ANKMY1: variants seen among roughly 807,000 people sequenced by gnomAD.
ANKMY1 encodes ankyrin repeat and MYND domain-containing protein 1.
Under a neutral mutation model 102.0 loss-of-function variants are expected in ANKMY1, and 98 were observed. The ratio of observed to expected loss-of-function variants is 0.96; its 90% CI spans 0.82 to 1.14. The LOEUF is 1.14. Ranked by LOEUF, ANKMY1 falls within the 50% of genes most tolerant of loss-of-function variation. ANKMY1 has a pLI of 0.00. For missense variants in ANKMY1, 1,330 were observed against 1,347.6 expected (o/e 0.99, Z 0.20); for synonymous variants, 582 against 559.9 (o/e 1.04, Z -0.56).
At chr2:240,508,703 T>C (rs753185219) in intron 12 of ANKMY1, among the ~76,000 whole-genome samples, 3 of 152,228 alleles carry the variant, frequency 2.0e-5, no homozygotes, top group Non-Finnish European at 4.4e-5. Flanking sequence ...GTGCCTAGAA[T>C]GGTGCCTGCC....
intron 9 of ANKMY1, among the ~76,000 whole-genome samples, chr2:240,516,071 G>A (rs930153524): frequency 1.3e-5 from 2 of 151,578 alleles, no homozygotes; most frequent in African/African-American, 4.8e-5. Flanking sequence ...GACAGATTCA[G>A]TTGGCCTCAT....
At chr2:240,550,244 T>C (rs570696779) in intron 4 of ANKMY1, among the ~76,000 whole-genome samples, 1 of 151,956 alleles carries the variant, frequency 6.6e-6, no homozygotes, top group Admixed American at 6.6e-5. Flanking sequence ...ATCATCATTC[T>C]CGGTAAACTA....
chr2:240,504,605 C>G (rs976185919), intron 13 of ANKMY1, among the ~76,000 whole-genome samples: 2 of 151,938 alleles, frequency 1.3e-5, no homozygotes, highest in African/African-American at 2.4e-5. Context: ...CAAAAATTGC[C>G]AAAGGAGTTG....
chr2:240,500,634 C>T (rs1349254523), intron 13 of ANKMY1, 69 bp from the exon 14 acceptor site: 3 of 1,385,340 alleles, frequency 2.2e-6, no homozygotes, highest in Non-Finnish European at 2.0e-6. Context: ...GAAGCACCGC[C>T]TGAGAAGGGC....
chr2:240,532,127 A>G (rs1279642376), intron 4 of ANKMY1: 2 of 468,900 alleles, frequency 4.3e-6, no homozygotes, highest in Non-Finnish European at 8.8e-6. Flanking sequence ...TGGAAACATC[A>G]CATTGAAACT....
intron 8 of ANKMY1, among the ~76,000 whole-genome samples, chr2:240,521,308 C>G (rs900392116): frequency 3.9e-5 from 6 of 151,936 alleles, no homozygotes; most frequent in African/African-American, 1.5e-4. Context: ...CCAGACCCGT[C>G]TCCAGACCCT....
At chr2:240,512,511 G>A (rs1394282039) in intron 10 of ANKMY1, among the ~76,000 whole-genome samples, 2 of 152,162 alleles carry the variant, frequency 1.3e-5, no homozygotes, top group Non-Finnish European at 2.9e-5. Context: ...GGCGTGAGAT[G>A]GAGTTACCTG....
chr2:240,479,137 A>G (rs6437346), downstream of ANKMY1, among the ~76,000 whole-genome samples: 121,396 of 152,210 alleles, frequency 0.8, 48,594 homozygotes, highest in East Asian at 0.99. Flanking sequence ...GAGCACCGCA[A>G]ACCCCAGTAG....
rs1019131807 is a variant in ANKMY1 at position 240,557,458 on chromosome 2, C to G, written c.-17-106G>C. 3.0e-6 allele frequency: 4 copies of G among 1,336,870 alleles called. No homozygotes were observed. In the African/African-American group the frequency reaches 4.5e-5, roughly 15 times the overall value. The allele number at this position is 1,336,870 out of a possible 1,614,324, so 82.8% of individuals were successfully genotyped here. On this transcript the variant is annotated intron_variant, in intron 1 of 17. Transcript: ENST00000401804. ...GCCCCTGAGCCTCAGAGAACCCAAG[C>G]CCCTCCCTGAACCGCGCCGGAGCCT... is the stretch of plus-strand genomic sequence containing the variant.
chr2:240,511,115 CCCCCACCT>C (rs1355257373), intron 11 of ANKMY1, among the ~76,000 whole-genome samples: 1 of 152,086 alleles, frequency 6.6e-6, no homozygotes, highest in Non-Finnish European at 1.5e-5. Flanking sequence ...CCTGTCAGTG[CCCCCACCT>C]CCCCACCTCC....
chr2:240,502,879 C>T (rs2078445294), intron 13 of ANKMY1, among the ~76,000 whole-genome samples: 1 of 152,114 alleles, frequency 6.6e-6, no homozygotes, highest in South Asian at 2.1e-4. Context: ...CCCTACACCC[C>T]CAGGCCCCCT....
chr2:240,496,369 TAG>T (rs2077260382), intron 15 of ANKMY1, among the ~76,000 whole-genome samples: 1 of 121,304 alleles, frequency 8.2e-6, no homozygotes, highest in Non-Finnish European at 1.8e-5. Context: ...GATAGATAGA[TAG>T]ATAGATAGAT....
rs1190572489 is a variant in ANKMY1, at chr2:240,529,693, CCGAGGAACAG to C, written c.481-194_481-185del. 6.6e-6 allele frequency among the ~76,000 whole-genome samples: 1 copy of C among 152,184 alleles called. No individual in the cohort carries two copies. The highest frequency in any genetic ancestry group is 1.5e-5 in the Non-Finnish European group (1 of 68,036). ...CAGGGACCGAGGCGGACCAGCTCTC[CCGAGGAACAG>C]GAAGGAGGGCACTCCAGAGAGTGCA... On this transcript the variant is annotated intron_variant, in intron 4 of 17. Coordinates refer to ENST00000401804, the MANE Select transcript of ANKMY1 (RefSeq NM_001282771.3). This position sits in a 1 kb window ranked among gnomAD's most constrained non-coding sequence, Gnocchi z 4.2.
At chr2:240,472,777 G>A in the ANKMY1 span, among the ~76,000 whole-genome samples, 1 of 152,158 alleles carries the variant, frequency 6.6e-6, no homozygotes, top group African/African-American at 2.4e-5. Flanking sequence ...GGTGTTTGCT[G>A]CTTCAAATTG....
chr2:240,486,408 CAAAG>C (rs1484435516), intron 15 of ANKMY1, among the ~76,000 whole-genome samples: 2 of 152,126 alleles, frequency 1.3e-5, no homozygotes, highest in Admixed American at 6.5e-5. Context: ...AGTCAATTAA[CAAAG>C]AAGAAATATG....
chr2:240,534,613 C>A (rs942525225), intron 4 of ANKMY1, among the ~76,000 whole-genome samples: 13 of 152,016 alleles, frequency 8.6e-5, no homozygotes, highest in African/African-American at 3.1e-4. Context: ...AAGATGATCA[C>A]TTCATCATAA....
At chr2:240,560,431 G>T, upstream of ANKMY1, 1 of 396,862 alleles carries the variant, frequency 2.5e-6, no homozygotes, top group African/African-American at 2.1e-5. Flanking sequence ...ATGGGACGCA[G>T]AGCGGTCCAA....
Position 240,479,561 on chromosome 2 carries a change from C to T in ANKMY1, c.*48G>A. ...GAGGTGGCTCAGGCAGGTAAGAAAC[C>T]CACACAGTCCTGGGTCCTCCCCAAG... On this transcript the variant is annotated 3_prime_UTR_variant, in exon 18 of 18. Coordinates refer to ENST00000401804, the MANE Select transcript of ANKMY1 (RefSeq NM_001282771.3). 2 of 1,605,782 alleles carry T rather than the reference C, an allele frequency of 1.2e-6. No individual in the cohort carries two copies. Among genetic ancestry groups the T allele is most frequent in the Admixed American group, 1.7e-5 (1 of 59,788 alleles).
At chr2:240,542,722 A>ATC (rs772673160) in intron 4 of ANKMY1, among the ~76,000 whole-genome samples, 2 of 29,752 alleles carry the variant, frequency 6.7e-5, no homozygotes, top group Non-Finnish European at 9.3e-5. Flanking sequence ...GTTTATATCT[A>ATC]TATATATATA....
Sources: gnomAD v4.1 joint callset for allele counts (sites outside exome capture counted in the v4.1 genomes callset) on GRCh38, gnomAD v4.1.1 for gene constraint, Gnocchi (gnomAD v3.1) non-coding constraint, MANE v1.5 for transcripts, NCBI Gene and HGNC (gene_info 2026-07-23, HGNC 2026-07-21) for gene names.